Variants in RGS9 observed in about 807,000 individuals in gnomAD.
RGS9 encodes regulator of G-protein signalling 9.
Under a neutral mutation model 102.0 loss-of-function variants are expected in RGS9, and 78 were observed. That is an observed-to-expected ratio of 0.76 (90% CI 0.64 to 0.92). The LOEUF (loss-of-function observed/expected upper bound fraction) is 0.92. Among genes scored for constraint, RGS9 ranks in the 40% least tolerant of loss-of-function variants. RGS9 has a pLI of 0.00. For missense variants in RGS9, 833 were observed against 866.1 expected (o/e 0.96, Z 0.48); for synonymous variants, 353 against 318.6 (o/e 1.11, Z -1.15).
intron 14 of RGS9, 57 bp downstream of exon 14, chr17:65,202,137 ATTGTGCTTG>A: frequency 8.3e-7 from 1 of 1,206,684 alleles, no homozygotes; most frequent in Non-Finnish European, 1.2e-6. Flanking sequence ...GGACCACCCC[ATTGTGCTTG>A]AGGTGAAGAT....
chr17:65,178,874 C>T (rs140752099), intron 9 of RGS9, among the ~76,000 whole-genome samples: 143 of 152,270 alleles, frequency 9.4e-4, no homozygotes, highest in African/African-American at 3.3e-3. Context: ...CCAGCTCTGC[C>T]CATGAGATGT....
At chr17:65,203,616 G>C (rs894910354) in intron 14 of RGS9, among the ~76,000 whole-genome samples, 6 of 152,208 alleles carry the variant, frequency 3.9e-5, no homozygotes, top group African/African-American at 1.4e-4. Context: ...TAGAGCCACG[G>C]GCTCAGGAAG....
intron 9 of RGS9, among the ~76,000 whole-genome samples, chr17:65,188,531 T>C (rs774246487): frequency 2.6e-5 from 4 of 152,216 alleles, no homozygotes; most frequent in Non-Finnish European, 5.9e-5. Flanking sequence ...CATCTCACCA[T>C]TGCTTCAGAG....
intron 9 of RGS9, among the ~76,000 whole-genome samples, chr17:65,180,530 A>C (rs1449820807): frequency 6.6e-6 from 1 of 152,028 alleles, no homozygotes; most frequent in Non-Finnish European, 1.5e-5. Flanking sequence ...TCATATTTTT[A>C]GTACAGACGG....
intron 6 of RGS9, 83 bp from the exon 7 acceptor site, chr17:65,162,930 C>T: frequency 1.3e-6 from 1 of 769,486 alleles, no homozygotes; most frequent in Non-Finnish European, 2.3e-6. Flanking sequence ...GGGGTGTGCC[C>T]TTGCTGACTT....
chr17:65,222,033 G>A (rs921833049), intron 17 of RGS9, among the ~76,000 whole-genome samples: 4 of 152,344 alleles, frequency 2.6e-5, no homozygotes, highest in East Asian at 3.9e-4. Context: ...CCAGGCTGAC[G>A]GGGTTCTCAT....
In RGS9 at chr17:65,202,408, G is replaced by GGTGTGTGTGT. The variant is rs746368093; in HGVS notation, c.1064+356_1064+365dup. On this transcript the variant is annotated intron_variant, in intron 14 of 18. Transcript: ENST00000262406. ...TAAAGCCTTCTTAGGTGTCCTGAGGGGTGTGTGTGTGTGTGTGTGTGTGTG... is the reference window on the plus strand; with the variant it reads ...TAAAGCCTTCTTAGGTGTCCTGAGGGGTGTGTGTGTGTGTGTGTGTGTGTGTGTGTGTGTG... Among the ~76,000 whole-genome samples the GGTGTGTGTGT allele has an allele frequency of 3.1e-3, 414 of 132,286 alleles. 2 individuals carry two copies. The highest frequency in any genetic ancestry group is 0.012 in the African/African-American group (384 of 32,000). The allele number at this position is 132,286 out of a possible 152,430, so 86.8% of individuals were successfully genotyped here. A position where few individuals can be genotyped will look rare whatever the true frequency, so the allele number is the denominator to read the frequency against.
intron 17 of RGS9, among the ~76,000 whole-genome samples, chr17:65,222,229 C>T (rs1290617412): frequency 2.0e-5 from 3 of 152,182 alleles, no homozygotes; most frequent in Admixed American, 2.0e-4. Flanking sequence ...GCCATGGAGA[C>T]CTTCTCCCCA....
At position 65,168,190 on chromosome 17, in the gene RGS9, G is replaced by A. The variant is rs772423962; in HGVS notation, c.501-10G>A. 13 of 1,601,780 alleles carry A rather than the reference G, an allele frequency of 8.1e-6. No individual in the cohort carries two copies. Among genetic ancestry groups the A allele is most frequent in the Non-Finnish European group, 1.1e-5 (13 of 1,172,710 alleles). On this transcript the variant is annotated splice_polypyrimidine_tract_variant and intron_variant, in intron 7 of 18. Coordinates refer to ENST00000262406, the MANE Select transcript of RGS9 (RefSeq NM_003835.4). ...CTTCCTGGCCTTACACGTGGCTTTT[G>A]GCTTTCCAGGGCTGGAAAGGAGAGG...
rs1425713626 is a variant in RGS9 at position 65,190,178 on chromosome 17, A to G, written c.688A>G (p.Met230Val). The G allele has an allele frequency of 1.9e-6, 3 of 1,612,764 alleles. No homozygotes were observed. The highest frequency in any genetic ancestry group is 1.7e-6 in the Non-Finnish European group (2 of 1,178,884). Residue 230 changes from methionine (M) to valine (V), a missense_variant, in exon 11 of 19, where the codon ATG becomes GTG. Met to Val is a conservative substitution (Grantham distance 21). Around this residue, in one of 3 missense-constraint regions of RGS9, gnomAD observed 328 missense variants for 340.6 expected, o/e 0.96. Transcript: ENST00000262406. ...CTAACAACTGTGTCTCTTCCAGATC[A>G]TGTATTACCAACAGGCCTTGATGAG... is the stretch of plus-strand genomic sequence containing the variant. Reference protein sequence around the residue: ...QTVVAVKKEIMYYQQALMRST... With the variant: ...QTVVAVKKEIVYYQQALMRST...
intron 9 of RGS9, among the ~76,000 whole-genome samples, chr17:65,180,722 T>C (rs1349739162): frequency 6.6e-6 from 1 of 152,118 alleles, no homozygotes; most frequent in African/African-American, 2.4e-5. Flanking sequence ...GTCACCGGAG[T>C]TTGGTATATA....
chr17:65,216,773 A>C (rs1336962438), intron 17 of RGS9, among the ~76,000 whole-genome samples: 1 of 152,018 alleles, frequency 6.6e-6, no homozygotes, highest in Non-Finnish European at 1.5e-5. Context: ...AGAACTGAAT[A>C]AGATCATCAA....
intron 12 of RGS9, among the ~76,000 whole-genome samples, chr17:65,194,812 G>C (rs1180223790): frequency 6.6e-6 from 1 of 152,194 alleles, no homozygotes; most frequent in Non-Finnish European, 1.5e-5. Context: ...GCCAGGTATA[G>C]GTCACAGCTT....
intron 2 of RGS9, among the ~76,000 whole-genome samples, chr17:65,157,354 T>C (rs1910805759): frequency 6.6e-6 from 1 of 151,882 alleles, no homozygotes; most frequent in Non-Finnish European, 1.5e-5. Flanking sequence ...AGCTGTACCT[T>C]CTGCTTGTGA....
At chr17:65,161,738 G>A (rs1259845817) in intron 6 of RGS9, among the ~76,000 whole-genome samples, 1 of 144,180 alleles carries the variant, frequency 6.9e-6, no homozygotes, top group African/African-American at 2.5e-5. Flanking sequence ...TTATTTATTT[G>A]AGACAACGTC....
At position 65,170,048 on chromosome 17, in the gene RGS9, C is replaced by CTT. The variant is rs993959757; in HGVS notation, c.582+1788_582+1789dup. Among the ~76,000 whole-genome samples the CTT allele has an allele frequency of 1.0e-3, 122 of 122,088 alleles. 2 individuals carry two copies. Among genetic ancestry groups the CTT allele is most frequent in the African/African-American group, 2.8e-3 (89 of 31,296 alleles). The allele number at this position is 122,088 out of a possible 152,430, so 80.1% of individuals were successfully genotyped here. The stretch of plus-strand genomic sequence containing the variant: ...GGCACTGTGCTAAGCCTTCTGCATT[C>CTT]TTTTTTTTTTTTTTTTTTTTTTCTG... On this transcript the variant is annotated intron_variant, in intron 8 of 18. Coordinates refer to ENST00000262406, the MANE Select transcript of RGS9 (RefSeq NM_003835.4).
intron 2 of RGS9, among the ~76,000 whole-genome samples, chr17:65,154,200 G>A (rs572202324): frequency 9.9e-5 from 15 of 152,184 alleles, no homozygotes; most frequent in African/African-American, 1.9e-4. Flanking sequence ...CCAGCTACTC[G>A]GGAGGCTGAG....
intron 17 of RGS9, among the ~76,000 whole-genome samples, chr17:65,218,809 C>G (rs574422712): frequency 6.6e-6 from 1 of 152,348 alleles, no homozygotes; most frequent in Non-Finnish European, 1.5e-5. Flanking sequence ...GTTATGACCA[C>G]TCAACATTCA....
chr17:65,215,423 A>G (rs1913454754), intron 17 of RGS9, among the ~76,000 whole-genome samples: 1 of 152,078 alleles, frequency 6.6e-6, no homozygotes, highest in Non-Finnish European at 1.5e-5. Context: ...GAAAATGTGT[A>G]CACCATTCAT....
Sources: gnomAD v4.1 joint callset for allele counts (sites outside exome capture counted in the v4.1 genomes callset) on GRCh38, gnomAD v4.1.1 for gene constraint, gnomAD v4.1.1 regional missense constraint, MANE v1.5 for transcripts, NCBI Gene and HGNC (gene_info 2026-07-23, HGNC 2026-07-21) for gene names.